The following IP6K1 variants were observed in gnomAD, a reference collection of about 807,000 sequenced individuals.
IP6K1 encodes inositol hexakisphosphate kinase 1, also known as ATP:1D-myo-inositol-hexakisphosphate phosphotransferase.
In IP6K1, 13 loss-of-function variants were observed where a neutral mutation model predicts 38.3. The observed-to-expected ratio is 0.34, with a 90% CI of 0.22 to 0.54. The LOEUF is 0.54. Ranked by LOEUF, IP6K1 falls within the 20% of genes least tolerant of loss-of-function variation. The probability of loss-of-function intolerance (pLI) is 0.92; values close to 1 mark genes in which losing one functional copy is unlikely to be tolerated. For missense variants in IP6K1, 397 were observed against 599.8 expected, an observed-to-expected ratio of 0.66 and a Z score of 3.53; for synonymous variants, 212 against 229.9, an observed-to-expected ratio of 0.92 and a Z score of 0.70.
Position 49,785,597 on chromosome 3 carries a change from C to G in IP6K1, c.-129+757G>C, listed in dbSNP as rs2081106375. ...TTTCTTTTTCCGATTCTAAGACACTCCTACGTTTCCTTTGTCTCCTATGGC... is the reference window on the plus strand; with the variant it reads ...TTTCTTTTTCCGATTCTAAGACACTGCTACGTTTCCTTTGTCTCCTATGGC... On this transcript the variant is annotated intron_variant, in intron 1 of 5. Transcript: ENST00000321599. 3 of 152,346 alleles carry G rather than the reference C, an allele frequency of 2.0e-5. No individual in the cohort carries two copies. In the East Asian group the frequency reaches 5.8e-4, roughly 29 times the overall value. 9.4% of individuals were successfully genotyped at this position (152,346 alleles called of 1,614,324 possible).
chr3:49,726,222 A>C lies in IP6K1; in HGVS notation c.*900T>G, dbSNP rs2080500429. 6.5e-6 allele frequency: 1 copy of C among 152,792 alleles called. No individual in the cohort carries two copies. The highest frequency in any genetic ancestry group is 1.5e-5 in the Non-Finnish European group (1 of 68,146). 9.5% of individuals were successfully genotyped at this position (152,792 alleles called of 1,614,324 possible). The stretch of plus-strand genomic sequence containing the variant: ...CTTGGCCTGGGGAAATGAGACCCTG[A>C]GCGGACCACAGCCCTTGAGCCCTGG... On this transcript the variant is annotated 3_prime_UTR_variant, in exon 6 of 6. Transcript: ENST00000321599.
At chr3:49,771,162 C>CA (rs1271655779) in intron 1 of IP6K1, among the ~76,000 whole-genome samples, 3 of 41,434 alleles carry the variant, frequency 7.2e-5, no homozygotes, top group Non-Finnish European at 1.5e-4. Context: ...ATCCAGAATA[C>CA]AAAAAAACTT....
intron 1 of IP6K1, among the ~76,000 whole-genome samples, chr3:49,778,748 C>A (rs905134296): frequency 6.6e-6 from 1 of 152,164 alleles, no homozygotes; most frequent in Non-Finnish European, 1.5e-5. Context: ...ATCTTAGACT[C>A]CCCAGTAGCT....
At chr3:49,776,393 T>C (rs112101327) in intron 1 of IP6K1, among the ~76,000 whole-genome samples, 10,833 of 152,052 alleles carry the variant, frequency 0.071, 534 homozygotes, top group Non-Finnish European at 0.1. Context: ...GGTGCATGTC[T>C]GTAATCCCAA....
At chr3:49,730,321 G>C (rs574500708) in intron 4 of IP6K1, among the ~76,000 whole-genome samples, 2 of 152,254 alleles carry the variant, frequency 1.3e-5, no homozygotes, top group East Asian at 3.9e-4. Flanking sequence ...ACAGATGTGG[G>C]CCACCACACC....
intron 1 of IP6K1, among the ~76,000 whole-genome samples, chr3:49,766,931 C>T (rs896683526): frequency 2.3e-5 from 3 of 130,718 alleles, no homozygotes; most frequent in African/African-American, 8.9e-5. Flanking sequence ...GCACTCCAGC[C>T]GGGGTGACAA....
At chr3:49,768,963 T>C (rs899533360) in intron 1 of IP6K1, among the ~76,000 whole-genome samples, 2 of 152,134 alleles carry the variant, frequency 1.3e-5, no homozygotes, top group Admixed American at 1.3e-4. Context: ...TTCAAAATAG[T>C]TAAAATTCTA....
intron 1 of IP6K1, among the ~76,000 whole-genome samples, chr3:49,777,730 T>C (rs2081029938): frequency 6.7e-6 from 1 of 149,290 alleles, no homozygotes; most frequent in Middle Eastern, 3.9e-3. Context: ...CTGGCTAACA[T>C]GGTGAAACCT....
chr3:49,773,941 C>T (rs998866178), intron 1 of IP6K1, among the ~76,000 whole-genome samples: 4 of 149,730 alleles, frequency 2.7e-5, no homozygotes, highest in Non-Finnish European at 5.9e-5. Context: ...CCCAGGAATT[C>T]GAGACCAGCA....
At chr3:49,734,394 C>CTTTT (rs71735078) in intron 3 of IP6K1, among the ~76,000 whole-genome samples, 8 of 87,284 alleles carry the variant, frequency 9.2e-5, no homozygotes, top group African/African-American at 2.1e-4. Flanking sequence ...ACCGTAATTT[C>CTTTT]TTTTTTTTTT....
chr3:49,782,747 G>A (rs1359882193), intron 1 of IP6K1, among the ~76,000 whole-genome samples: 1 of 151,244 alleles, frequency 6.6e-6, no homozygotes, highest in Admixed American at 6.6e-5. Context: ...GGAGTTGGAG[G>A]CTGCAGTGAG....
chr3:49,758,862 G>A (rs1389291668), intron 1 of IP6K1, among the ~76,000 whole-genome samples: 2 of 151,926 alleles, frequency 1.3e-5, no homozygotes, highest in East Asian at 1.9e-4. Context: ...CTGGGAGGCT[G>A]AGACAGGAGA....
intron 3 of IP6K1, 50 bp downstream of exon 3, chr3:49,738,162 G>C (rs990617188): frequency 7.0e-7 from 1 of 1,435,368 alleles, no homozygotes; most frequent in Non-Finnish European, 9.8e-7. Context: ...TCAGGACTAT[G>C]GAGACGTCTT....
At chr3:49,748,458 T>C (rs548406540) in intron 1 of IP6K1, among the ~76,000 whole-genome samples, 76 of 152,294 alleles carry the variant, frequency 5.0e-4, no homozygotes, top group African/African-American at 1.8e-3. Context: ...CTACAGCACA[T>C]TACAACCATC....
At chr3:49,749,543 G>C (rs1437867095) in intron 1 of IP6K1, among the ~76,000 whole-genome samples, 1 of 152,098 alleles carries the variant, frequency 6.6e-6, no homozygotes, top group Non-Finnish European at 1.5e-5. Flanking sequence ...ACAAACCATC[G>C]GGTTTTTTGT....
At chr3:49,731,899 A>AAAAAAAAAAAAAAAAAAAAAAG in intron 4 of IP6K1, among the ~76,000 whole-genome samples, 1 of 149,002 alleles carries the variant, frequency 6.7e-6, no homozygotes, top group Non-Finnish European at 1.5e-5. Flanking sequence ...AAAAAAAAAA[A>AAAAAAAAAAAAAAAAAAAAAAG]AAAAAAGGAA....
chr3:49,748,573 C>G (rs1312107020), intron 1 of IP6K1, among the ~76,000 whole-genome samples: 1 of 152,192 alleles, frequency 6.6e-6, no homozygotes, highest in Non-Finnish European at 1.5e-5. Flanking sequence ...ATATCCAGTA[C>G]TGGTAAGGGT....
At chr3:49,731,583 T>G (rs1559701740) in intron 4 of IP6K1, among the ~76,000 whole-genome samples, 2 of 152,260 alleles carry the variant, frequency 1.3e-5, no homozygotes, top group East Asian at 3.9e-4. Flanking sequence ...TCCTCATCTA[T>G]AACATGGGAA....
intron 3 of IP6K1, among the ~76,000 whole-genome samples, chr3:49,736,230 T>A (rs1368465614): frequency 6.6e-6 from 1 of 152,216 alleles, no homozygotes; most frequent in Non-Finnish European, 1.5e-5. Flanking sequence ...ATTCTATTAT[T>A]ATTTTTTTAT....
Sources: gnomAD v4.1 joint callset for allele counts (sites outside exome capture counted in the v4.1 genomes callset) on GRCh38, gnomAD v4.1.1 for gene constraint, MANE v1.5 for transcripts, NCBI Gene and HGNC (gene_info 2026-07-23, HGNC 2026-07-21) for gene names.